The following FERMT2 variants were observed in gnomAD, a reference collection of about 807,000 sequenced individuals.
FERMT2 encodes FERM domain containing kindlin 2, also known as fermitin family homolog 2.
FERMT2 carries 15 observed loss-of-function variants against 82.7 expected under a neutral mutation model. That is an observed-to-expected ratio of 0.18 (90% CI 0.12 to 0.28). FERMT2 has a LOEUF of 0.28. FERMT2 is among the 10% of genes least tolerant of loss of function. The pLI, the probability that FERMT2 is intolerant of heterozygous loss-of-function variation, is 1.00. For synonymous variants in FERMT2, 274 were observed against 271.5 expected (o/e 1.01, Z -0.09); for missense variants, 645 against 809.4 (o/e 0.80, Z 2.46).
chr14:52,912,701 T>A (rs1888393200), intron 3 of FERMT2, among the ~76,000 whole-genome samples: 1 of 151,662 alleles, frequency 6.6e-6, no homozygotes, highest in South Asian at 2.1e-4. Context: ...GTAGAGACAG[T>A]GTTTCACCAT....
At chr14:52,922,482 T>TA (rs11347471) in intron 2 of FERMT2, among the ~76,000 whole-genome samples, 116 of 149,480 alleles carry the variant, frequency 7.8e-4, no homozygotes, top group African/African-American at 1.2e-3. Flanking sequence ...TTTATTAAAT[T>TA]AAAAAAAAAA....
At chr14:52,943,241 T>A (rs1890178901) in intron 2 of FERMT2, among the ~76,000 whole-genome samples, 1 of 152,026 alleles carries the variant, frequency 6.6e-6, no homozygotes, top group African/African-American at 2.4e-5. Flanking sequence ...AAGTGAAATT[T>A]GCACTGATAC....
intron 10 of FERMT2, among the ~76,000 whole-genome samples, chr14:52,871,114 A>G (rs1319913318): frequency 6.6e-6 from 1 of 152,210 alleles, no homozygotes; most frequent in South Asian, 2.1e-4. Context: ...CTATGGCTGC[A>G]GGTGTTAGCT....
At chr14:52,906,877 T>C (rs757514776) in intron 3 of FERMT2, among the ~76,000 whole-genome samples, 1 of 117,568 alleles carries the variant, frequency 8.5e-6, no homozygotes, top group Non-Finnish European at 1.6e-5. Flanking sequence ...ACAGAAAACA[T>C]ACAGAGGAAC....
At chr14:52,932,624 A>C (rs1212039261) in intron 2 of FERMT2, among the ~76,000 whole-genome samples, 1 of 152,182 alleles carries the variant, frequency 6.6e-6, no homozygotes, top group Non-Finnish European at 1.5e-5. Flanking sequence ...AATAACAATA[A>C]TGTACTCACT....
intron 2 of FERMT2, among the ~76,000 whole-genome samples, chr14:52,939,548 T>C: frequency 6.6e-6 from 1 of 152,158 alleles, no homozygotes; most frequent in Non-Finnish European, 1.5e-5. Flanking sequence ...TTCTAAACAC[T>C]TCATGTGTAT....
chr14:52,863,489 G>C (rs1031082420), intron 12 of FERMT2: 2 of 152,112 alleles, frequency 1.3e-5, no homozygotes, highest in Non-Finnish European at 2.9e-5. Context: ...TGGGGGCAGA[G>C]AATACCAGGG....
At chr14:52,895,859 G>A (rs550114329) in intron 3 of FERMT2, among the ~76,000 whole-genome samples, 4 of 152,214 alleles carry the variant, frequency 2.6e-5, no homozygotes, top group Admixed American at 6.5e-5. Context: ...AAGAAAAGCC[G>A]CAGAAAGGAG....
intron 10 of FERMT2, among the ~76,000 whole-genome samples, chr14:52,870,859 T>C (rs1885576591): frequency 6.6e-6 from 1 of 152,242 alleles, no homozygotes; most frequent in Admixed American, 6.5e-5. Flanking sequence ...AGCACCTCTG[T>C]GTTTTAAGTG....
At chr14:52,925,558 C>CAAAAA (rs761894753) in intron 2 of FERMT2, among the ~76,000 whole-genome samples, 1 of 55,630 alleles carries the variant, frequency 1.8e-5, no homozygotes, top group African/African-American at 6.1e-5. Flanking sequence ...GACTCTGTCT[C>CAAAAA]AAAAAAAAAA....
chr14:52,903,542 GAAAAGAAAATAAATAAAAGAA>G (rs1437700365), intron 3 of FERMT2, among the ~76,000 whole-genome samples: 1 of 145,442 alleles, frequency 6.9e-6, no homozygotes, highest in African/African-American at 2.5e-5. Flanking sequence ...TGTCTCTTAA[GAAAAGAAAATAAATAAAAGAA>G]AAAAGAAAAA....
intron 2 of FERMT2, among the ~76,000 whole-genome samples, chr14:52,920,158 C>T (rs1352365677): frequency 6.6e-6 from 1 of 152,198 alleles, no homozygotes; most frequent in Non-Finnish European, 1.5e-5. Flanking sequence ...TAACAATAAA[C>T]TTGTAGCAGT....
intron 3 of FERMT2, among the ~76,000 whole-genome samples, chr14:52,905,972 T>C (rs1887984254): frequency 6.6e-6 from 1 of 152,242 alleles, no homozygotes; most frequent in African/African-American, 2.4e-5. Context: ...TTTACTCTCC[T>C]GTTTTATTTA....
chr14:52,944,287 T>A (rs1890223482), intron 2 of FERMT2, among the ~76,000 whole-genome samples: 1 of 152,204 alleles, frequency 6.6e-6, no homozygotes, highest in Admixed American at 6.5e-5. Flanking sequence ...CCCCAAGATT[T>A]AAAAAAATTT....
chr14:52,906,399 C>T (rs1447119039), intron 3 of FERMT2, among the ~76,000 whole-genome samples: 1 of 152,106 alleles, frequency 6.6e-6, no homozygotes, highest in Non-Finnish European at 1.5e-5. Flanking sequence ...GCTAATGTTG[C>T]CTCTGGTCTA....
chr14:52,947,822 T>C (rs1233821195), intron 2 of FERMT2, among the ~76,000 whole-genome samples: 1 of 152,224 alleles, frequency 6.6e-6, no homozygotes, highest in Non-Finnish European at 1.5e-5. Context: ...AACTTCCACA[T>C]GTGCACACAC....
At chr14:52,949,793 T>C (rs963127474) in intron 2 of FERMT2, among the ~76,000 whole-genome samples, 96 of 152,318 alleles carry the variant, frequency 6.3e-4, no homozygotes, top group African/African-American at 2.3e-3. Context: ...TTGTTATTAA[T>C]ATAAAACCGA....
chr14:52,922,520 C>T (rs1052394945), intron 2 of FERMT2, among the ~76,000 whole-genome samples: 39 of 151,468 alleles, frequency 2.6e-4, no homozygotes, highest in African/African-American at 7.3e-4. Flanking sequence ...AGAAGCAGGG[C>T]GCTGCAAAGA....
intron 1 of FERMT2, 39 bp from the exon 2 acceptor site, chr14:52,950,616 C>G: frequency 6.3e-7 from 1 of 1,594,774 alleles, no homozygotes; most frequent in Non-Finnish European, 8.6e-7. Context: ...AAGCGTCACT[C>G]CCCCAAAGAA....
Sources: allele counts gnomAD v4.1 joint callset (sites outside exome capture counted in the v4.1 genomes callset), GRCh38; gene constraint gnomAD v4.1.1; transcripts MANE v1.5; gene names NCBI Gene and HGNC (gene_info 2026-07-23, HGNC 2026-07-21).